SYNPO2: variants seen among roughly 807,000 people sequenced by gnomAD.
SYNPO2 encodes the protein synaptopodin 2, also known as synaptopodin-2.
Under a neutral mutation model 85.0 loss-of-function variants are expected in SYNPO2, and 56 were observed. That is an observed-to-expected ratio of 0.66 (90% CI 0.53 to 0.82). SYNPO2 has a LOEUF of 0.82. Ranked by LOEUF, SYNPO2 falls within the 40% of genes least tolerant of loss-of-function variation. The probability of loss-of-function intolerance (pLI) is 0.00; values close to 1 mark genes in which losing one functional copy is unlikely to be tolerated. For missense variants in SYNPO2, 1,575 were observed against 1,534.2 expected (o/e 1.03, Z -0.44); for synonymous variants, 602 against 591.1 (o/e 1.02, Z -0.27).
chr4:118,857,812 T>G (rs1302621857), intron 1 of SYNPO2, among the ~76,000 whole-genome samples: 1 of 152,218 alleles, frequency 6.6e-6, no homozygotes, highest in Non-Finnish European at 1.5e-5. Context: ...ACATTTAAAG[T>G]ATTTTATTTA....
intron 1 of SYNPO2, among the ~76,000 whole-genome samples, chr4:118,933,046 AAGG>A (rs1279316798): frequency 6.6e-6 from 1 of 152,220 alleles, no homozygotes; most frequent in African/African-American, 2.4e-5. Flanking sequence ...AATAATGTTC[AAGG>A]AGGAAAGACA....
chr4:119,034,272 G>C (rs191963890), intron 4 of SYNPO2: 48 of 985,430 alleles, frequency 4.9e-5, no homozygotes, highest in Admixed American at 6.1e-5. Flanking sequence ...GCATGAATTA[G>C]AGGAAAGACA....
chr4:119,036,252 C>T lies in SYNPO2; in HGVS notation c.3252+4225C>T, dbSNP rs560090635. The T allele has an allele frequency of 1.7e-4, 171 of 985,390 alleles. 1 individual carries two copies. The South Asian group carries it at 3.2e-3, about 19-fold the overall frequency. The allele number at this position is 985,390 out of a possible 1,614,324, so 61.0% of individuals were successfully genotyped here. A position where few individuals can be genotyped will look rare whatever the true frequency, so the allele number is the denominator to read the frequency against. Reference sequence around the variant, plus strand: ...ATGCTTCTAGAGGGAAGTCGTGGGGCGTGTGCTCATTCTCTTTAAAATCAG... The same window carrying T: ...ATGCTTCTAGAGGGAAGTCGTGGGGTGTGTGCTCATTCTCTTTAAAATCAG... On this transcript the variant is annotated intron_variant, in intron 4 of 4. Transcript: ENST00000307142.
intron 4 of SYNPO2, among the ~76,000 whole-genome samples, chr4:119,047,246 GAC>G (rs1168840209): frequency 6.6e-6 from 1 of 152,146 alleles, no homozygotes; most frequent in Non-Finnish European, 1.5e-5. Flanking sequence ...TTTTAGCAGA[GAC>G]AGGGTTTCAC....
intron 4 of SYNPO2, among the ~76,000 whole-genome samples, chr4:119,056,569 T>C (rs1442472035): frequency 1.3e-5 from 2 of 152,004 alleles, no homozygotes; most frequent in Non-Finnish European, 2.9e-5. Flanking sequence ...ATAATAATAA[T>C]TAATAATATT....
At chr4:118,976,328 C>G (rs943813404) in intron 1 of SYNPO2, among the ~76,000 whole-genome samples, 2 of 152,004 alleles carry the variant, frequency 1.3e-5, no homozygotes, top group Non-Finnish European at 2.9e-5. Context: ...CCGCTGGGCT[C>G]GTGGTCTCAA....
At chr4:118,978,154 T>A (rs774098378) in intron 1 of SYNPO2, among the ~76,000 whole-genome samples, 12 of 152,194 alleles carry the variant, frequency 7.9e-5, no homozygotes, top group Admixed American at 1.3e-4. Context: ...AGTTGCAACT[T>A]GCTTCTTGGC....
chr4:118,879,380 A>AT (rs1444769439), intron 1 of SYNPO2, among the ~76,000 whole-genome samples: 1 of 152,182 alleles, frequency 6.6e-6, no homozygotes, highest in African/African-American at 2.4e-5. Context: ...TGAATCCTAA[A>AT]TCCCCAGTGT....
At chr4:118,973,368 G>A (rs759669131) in intron 1 of SYNPO2, among the ~76,000 whole-genome samples, 15 of 151,742 alleles carry the variant, frequency 9.9e-5, no homozygotes, top group Non-Finnish European at 2.1e-4. Flanking sequence ...TGCACTAAGT[G>A]TGTGCACACA....
In SYNPO2 at chr4:119,060,562, T is replaced by A. The variant is rs1739380169; in HGVS notation, c.*2628T>A. 1 of 152,172 alleles carries A rather than the reference T, an allele frequency of 6.6e-6. No individual in the cohort carries two copies. The highest frequency in any genetic ancestry group is 6.5e-5 in the Admixed American group (1 of 15,274). 9.4% of individuals were successfully genotyped at this position (152,172 alleles called of 1,614,324 possible). A position where few individuals can be genotyped will look rare whatever the true frequency, so the allele number is the denominator to read the frequency against. On this transcript the variant is annotated 3_prime_UTR_variant, in exon 5 of 5. Transcript: ENST00000307142. The stretch of plus-strand genomic sequence containing the variant: ...AGTTTGATTCCTATGGGTGAGAAGA[T>A]GTAGATGACTATTGTTCTCACTAAA...
intron 1 of SYNPO2, among the ~76,000 whole-genome samples, chr4:118,986,509 C>T (rs535980852): frequency 2.0e-5 from 3 of 152,284 alleles, no homozygotes; most frequent in African/African-American, 7.2e-5. Flanking sequence ...CCCCGAAACT[C>T]GACCTTCATC....
chr4:118,958,262 C>T (rs978037910), intron 1 of SYNPO2, among the ~76,000 whole-genome samples: 5 of 151,908 alleles, frequency 3.3e-5, no homozygotes, highest in South Asian at 4.2e-4. Flanking sequence ...TGGATGCCTG[C>T]GGTGCGTGTA....
rs116789160 is a variant in SYNPO2, at chr4:118,920,193, C to A, written c.105+31052C>A. On this transcript the variant is annotated intron_variant, in intron 1 of 4. Coordinates refer to ENST00000307142, the MANE Select transcript of SYNPO2 (RefSeq NM_133477.3). ...ATCTGGGATGACTTGGATATTTGAG[C>A]GGAATTTAGAGTAATTTGTGAAAAC... 4.9e-3 allele frequency among the ~76,000 whole-genome samples: 745 copies of A among 152,024 alleles called. 7 individuals carry two copies. Among genetic ancestry groups the A allele is most frequent in the African/African-American group, 0.016 (657 of 41,418 alleles).
At chr4:118,946,416 C>T (rs1317953787) in intron 1 of SYNPO2, among the ~76,000 whole-genome samples, 1 of 140,806 alleles carries the variant, frequency 7.1e-6, no homozygotes, top group African/African-American at 2.5e-5. Flanking sequence ...TTGAAAACAG[C>T]TGGCTGGTGA....
Position 119,049,327 on chromosome 4 carries a change from C to G in SYNPO2, c.3253-8074C>G, listed in dbSNP as rs866257673. On this transcript the variant is annotated intron_variant, in intron 4 of 4. Coordinates refer to ENST00000307142, the MANE Select transcript of SYNPO2 (RefSeq NM_133477.3). ...TTATTCCTCTTCACTTTTCTTGGAC[C>G]TCCCAGAATCTGTGTATGATAAAGT... Among the ~76,000 whole-genome samples, 7 of 152,276 alleles carry G rather than the reference C, an allele frequency of 4.6e-5. No homozygotes were observed. The South Asian group carries it at 8.3e-4, about 18-fold the overall frequency.
intron 1 of SYNPO2, among the ~76,000 whole-genome samples, chr4:118,890,729 C>CTT: frequency 7.3e-6 from 1 of 137,180 alleles, no homozygotes; most frequent in Admixed American, 7.2e-5. Flanking sequence ...CTCTCTCTCT[C>CTT]TCTCTGTGTG....
Position 119,030,082 on chromosome 4 carries a change from C to T in SYNPO2, c.1307C>T (p.Ala436Val). 1 of 1,614,058 alleles carries T rather than the reference C, an allele frequency of 6.2e-7. No homozygotes were observed. The highest frequency in any genetic ancestry group is 1.1e-5 in the South Asian group (1 of 91,078). ...GACAAGGAGGATACATGTGAAGTAG[C>T]ATTTCTTGGTGCAAGCGAATCAGAG... ...EGDKEDTCEV[A>V]FLGASESEVD... The change falls in exon 4 of 5, where the codon GCA (alanine) becomes GTA (valine). Residue 436 changes from alanine to valine, a missense_variant. Ala to Val is a moderately conservative substitution (Grantham distance 64, BLOSUM62 0). Coordinates refer to ENST00000307142, the MANE Select transcript of SYNPO2 (RefSeq NM_133477.3).
chr4:118,994,737 T>G lies in SYNPO2; in HGVS notation c.106-28693T>G, dbSNP rs113814536. ...GGTAGAAAGTGGCATGTTATTCCCA[T>G]AAACATCTTGGACATCTAAAGTTAA... On this transcript the variant is annotated intron_variant, in intron 1 of 4. Coordinates refer to ENST00000307142, the MANE Select transcript of SYNPO2 (RefSeq NM_133477.3). Among the ~76,000 whole-genome samples, 229 of 152,330 alleles carry G rather than the reference T, an allele frequency of 1.5e-3. 2 individuals are homozygous for G. Among genetic ancestry groups the G allele is most frequent in the African/African-American group, 5.4e-3 (226 of 41,584 alleles).
At chr4:119,040,211 A>C (rs1203057923) in intron 4 of SYNPO2, among the ~76,000 whole-genome samples, 1 of 152,228 alleles carries the variant, frequency 6.6e-6, no homozygotes, top group Non-Finnish European at 1.5e-5. Flanking sequence ...ACTATTTTAA[A>C]AACTTCCAAT....
Sources: allele counts gnomAD v4.1 joint callset (sites outside exome capture counted in the v4.1 genomes callset), GRCh38; gene constraint gnomAD v4.1.1; transcripts MANE v1.5; gene names NCBI Gene and HGNC (gene_info 2026-07-23, HGNC 2026-07-21).